The following HCN1 variants were observed in gnomAD, a reference collection of about 807,000 sequenced individuals.
The protein encoded by HCN1 is hyperpolarization activated cyclic nucleotide gated potassium channel 1.
Under a neutral mutation model 78.9 loss-of-function variants are expected in HCN1, and 13 were observed. The ratio of observed to expected loss-of-function variants is 0.16; its 90% CI spans 0.11 to 0.26. The LOEUF (loss-of-function observed/expected upper bound fraction) is 0.26. HCN1 is among the 10% of genes least tolerant of loss of function. The probability of loss-of-function intolerance (pLI) is 1.00; values close to 1 mark genes in which losing one functional copy is unlikely to be tolerated. For synonymous variants in HCN1, 552 were observed against 455.5 expected, an observed-to-expected ratio of 1.21 and a Z score of -2.70; for missense variants, 810 against 1,154.3, an observed-to-expected ratio of 0.70 and a Z score of 4.32.
At chr5:45,278,568 A>G (rs2111864372) in intron 6 of HCN1, among the ~76,000 whole-genome samples, 1 of 152,274 alleles carries the variant, frequency 6.6e-6, no homozygotes, top group South Asian at 2.1e-4. Flanking sequence ...TAATAATTAC[A>G]ATCATAAAAA....
At chr5:45,403,760 C>A (rs1463490828) in intron 3 of HCN1, among the ~76,000 whole-genome samples, 2 of 152,112 alleles carry the variant, frequency 1.3e-5, no homozygotes, top group Non-Finnish European at 2.9e-5. Context: ...AAAATGTTAT[C>A]CTTATAAGCA....
Position 45,695,865 on chromosome 5 carries a change from GCTC to G in HCN1, c.226_228del (p.Glu76del), listed in dbSNP as rs754966256. On this transcript the variant is annotated inframe_deletion, in exon 1 of 8. Transcript: ENST00000303230. ...TCGGCGTCTTCGAAGCCCCCCGCCGGCTCCTCGCCGCCGCCGCCGCCGCCGCCA... is the reference window on the plus strand; with the variant it reads ...TCGGCGTCTTCGAAGCCCCCCGCCGGCTCGCCGCCGCCGCCGCCGCCGCCA... 35 of 1,573,210 alleles carry G rather than the reference GCTC, an allele frequency of 2.2e-5. No homozygotes were observed. The highest frequency in any genetic ancestry group is 2.3e-5 in the Non-Finnish European group (27 of 1,166,536).
At chr5:45,676,235 C>A (rs1263484219) in intron 1 of HCN1, among the ~76,000 whole-genome samples, 1 of 151,644 alleles carries the variant, frequency 6.6e-6, no homozygotes, top group African/African-American at 2.4e-5. Context: ...TGAATATTGC[C>A]TATGACATCT....
At chr5:45,421,572 A>G (rs940104715) in intron 3 of HCN1, among the ~76,000 whole-genome samples, 4 of 152,176 alleles carry the variant, frequency 2.6e-5, no homozygotes, top group Admixed American at 2.0e-4. Flanking sequence ...AAAAAAAACC[A>G]AGAAACAGAA....
chr5:45,359,420 T>A (rs1053324992), intron 4 of HCN1, among the ~76,000 whole-genome samples: 2,027 of 147,772 alleles, frequency 0.014, 41 homozygotes, highest in African/African-American at 0.048. Context: ...AAAAAAAATA[T>A]ATATATATAT....
At chr5:45,464,384 T>C (rs1208188925) in intron 2 of HCN1, among the ~76,000 whole-genome samples, 1 of 152,116 alleles carries the variant, frequency 6.6e-6, no homozygotes, top group Non-Finnish European at 1.5e-5. Flanking sequence ...TCCATAATGT[T>C]AGGTAGTGCT....
At chr5:45,341,978 C>T (rs1475807333) in intron 5 of HCN1, among the ~76,000 whole-genome samples, 3 of 151,822 alleles carry the variant, frequency 2.0e-5, no homozygotes, top group East Asian at 1.9e-4. Context: ...TTTTTGTTTC[C>T]TAATATTAAA....
At chr5:45,307,867 A>C (rs1745768266) in intron 5 of HCN1, among the ~76,000 whole-genome samples, 1 of 152,152 alleles carries the variant, frequency 6.6e-6, no homozygotes, top group Non-Finnish European at 1.5e-5. Context: ...TACTAATGTA[A>C]GGTATTAAAA....
intron 5 of HCN1, among the ~76,000 whole-genome samples, chr5:45,334,363 T>A (rs1269940504): frequency 6.6e-6 from 1 of 151,814 alleles, no homozygotes; most frequent in East Asian, 1.9e-4. Context: ...CTTCCAAATT[T>A]AGTGCAAACT....
intron 2 of HCN1, among the ~76,000 whole-genome samples, chr5:45,517,129 CATAAGT>C (rs963574790): frequency 6.6e-6 from 1 of 151,842 alleles, no homozygotes; most frequent in Admixed American, 6.6e-5. Flanking sequence ...GCTAACAAGC[CATAAGT>C]ATAAGTTGTG....
intron 2 of HCN1, among the ~76,000 whole-genome samples, chr5:45,481,695 C>T (rs953451585): frequency 5.3e-5 from 8 of 152,120 alleles, no homozygotes; most frequent in Non-Finnish European, 8.8e-5. Context: ...GTGTCTGGGA[C>T]AGACTGGCTT....
intron 1 of HCN1, among the ~76,000 whole-genome samples, chr5:45,693,261 A>T (rs989457543): frequency 6.6e-6 from 1 of 152,246 alleles, no homozygotes; most frequent in African/African-American, 2.4e-5. Flanking sequence ...CATACAAAAA[A>T]ATGAAACAAT....
chr5:45,593,291 T>TTC (rs372080697), intron 2 of HCN1, among the ~76,000 whole-genome samples: 5,302 of 123,736 alleles, frequency 0.043, 73 homozygotes, highest in African/African-American at 0.062. Context: ...TAGAGGTATA[T>TTC]TCTCTCTCTC....
chr5:45,545,938 C>T (rs953136059), intron 2 of HCN1, among the ~76,000 whole-genome samples: 1 of 151,972 alleles, frequency 6.6e-6, no homozygotes, highest in African/African-American at 2.4e-5. Flanking sequence ...TATGTATATA[C>T]TTTAATGCTC....
chr5:45,347,767 G>A (rs1166494178), intron 5 of HCN1, among the ~76,000 whole-genome samples: 1 of 152,176 alleles, frequency 6.6e-6, no homozygotes, highest in African/African-American at 2.4e-5. Flanking sequence ...GGGTATCAGT[G>A]ATGGAAGATG....
chr5:45,556,246 GA>G (rs1357799006), intron 2 of HCN1, among the ~76,000 whole-genome samples: 1 of 151,798 alleles, frequency 6.6e-6, no homozygotes, highest in Non-Finnish European at 1.5e-5. Flanking sequence ...AACAGCAAAG[GA>G]AACAATCAAC....
intron 1 of HCN1, among the ~76,000 whole-genome samples, chr5:45,673,766 C>T (rs1746204522): frequency 1.3e-5 from 2 of 151,406 alleles, no homozygotes; most frequent in African/African-American, 2.4e-5. Flanking sequence ...AAAATAGACC[C>T]CTTAATCAAA....
Position 45,261,621 on chromosome 5 carries a change from T to G in HCN1, c.*300A>C, listed in dbSNP as rs1744736316. The G allele has an allele frequency of 4.6e-6, 1 of 217,636 alleles. No homozygotes were observed. 13.5% of individuals were successfully genotyped at this position (217,636 alleles called of 1,614,324 possible). A position where few individuals can be genotyped will look rare whatever the true frequency, so the allele number is the denominator to read the frequency against. On this transcript the variant is annotated 3_prime_UTR_variant, in exon 8 of 8. Transcript: ENST00000303230. ...AAATATACATATCAAAGGACTTAAG[T>G]AAAAGTAGGTTAGAAATAAATAATC... is the stretch of plus-strand genomic sequence containing the variant.
At chr5:45,636,392 C>T (rs1745356995) in intron 2 of HCN1, among the ~76,000 whole-genome samples, 1 of 152,090 alleles carries the variant, frequency 6.6e-6, no homozygotes, top group East Asian at 1.9e-4. Flanking sequence ...TCTAAAATAG[C>T]AGTAGCCATA....
Sources: gnomAD v4.1 joint callset for allele counts (sites outside exome capture counted in the v4.1 genomes callset) on GRCh38, gnomAD v4.1.1 for gene constraint, MANE v1.5 for transcripts, NCBI Gene and HGNC (gene_info 2026-07-23, HGNC 2026-07-21) for gene names.